C3: variants seen among roughly 807,000 people sequenced by gnomAD.
The protein encoded by C3 is complement C3.
A neutral mutation model predicts 207.9 loss-of-function variants in C3; 97 were observed. That is an observed-to-expected ratio of 0.47 (90% confidence interval 0.40 to 0.55). The LOEUF (loss-of-function observed/expected upper bound fraction) is 0.55. C3 is among the 20% of genes least tolerant of loss of function. C3 has a pLI of 0.00. For synonymous variants in C3, 848 were observed against 857.6 expected (o/e 0.99, Z 0.20); for missense variants, 1,684 against 2,171.7 (o/e 0.78, Z 4.46).
chr19:6,711,782 G>A (rs1414593990), intron 11 of C3, among the ~76,000 whole-genome samples: 2 of 152,334 alleles, frequency 1.3e-5, no homozygotes, highest in Non-Finnish European at 2.9e-5. Flanking sequence ...ACAGAGCCAC[G>A]TGCACAGAAG....
At chr19:6,687,008 G>A (rs1283800303) in intron 27 of C3, 106 bp from the exon 28 acceptor site, 2 of 1,174,648 alleles carry the variant, frequency 1.7e-6, no homozygotes, top group Non-Finnish European at 2.5e-6. Flanking sequence ...CTGTCCTTGG[G>A]ACACACCTGT....
chr19:6,704,446 C>T (rs1967732030), intron 17 of C3, among the ~76,000 whole-genome samples: 1 of 152,084 alleles, frequency 6.6e-6, no homozygotes, highest in South Asian at 2.1e-4. Flanking sequence ...GCTGGAATCC[C>T]TTAAAAAATA....
chr19:6,693,147 C>G, intron 25 of C3, 64 bp from the exon 26 acceptor site: 1 of 1,577,610 alleles, frequency 6.3e-7, no homozygotes, highest in Non-Finnish European at 8.7e-7. Flanking sequence ...TGTCAACCAG[C>G]CAATGAGCGT....
At position 6,710,749 on chromosome 19, in the gene C3, T is replaced by C. The variant is rs1449175750; in HGVS notation, c.1576A>G (p.Ile526Val). 1 of 1,613,768 alleles carries C rather than the reference T, an allele frequency of 6.2e-7. No individual in the cohort carries two copies. The highest frequency in any genetic ancestry group is 8.5e-7 in the Non-Finnish European group (1 of 1,179,990). ...TACGCCACCAGGCGGAAGGAAGGGA[T>C]GAAGTCGGTGGTGATGGACAGGGGC... ...VLPLSITTDFIPSFRLVAYYT... is the reference protein window; with the variant it reads ...VLPLSITTDFVPSFRLVAYYT... Residue 526 changes from isoleucine (I) to valine (V), a missense_variant, in exon 13 of 41, where the codon ATC becomes GTC. Coordinates refer to ENST00000245907, the MANE Select transcript of C3 (RefSeq NM_000064.4).
At chr19:6,717,519 ATGTTGTGTGGTTGTG>A (rs1005509458) in intron 4 of C3, 22 of 210,322 alleles carry the variant, frequency 1.0e-4, no homozygotes, top group Non-Finnish European at 1.5e-4. Context: ...GTGGTCGTGT[ATGTTGTGTGGTTGTG>A]TGTTGTGTGG....
At chr19:6,712,098 G>A (rs773537255) in intron 11 of C3, among the ~76,000 whole-genome samples, 159 bp downstream of exon 11, 2 of 151,990 alleles carry the variant, frequency 1.3e-5, no homozygotes, top group African/African-American at 2.4e-5. Flanking sequence ...GCAGATGAGA[G>A]TATCTCTATG....
At chr19:6,718,953 G>T (rs1278742789) in intron 2 of C3, among the ~76,000 whole-genome samples, 1 of 120,434 alleles carries the variant, frequency 8.3e-6, no homozygotes, top group Non-Finnish European at 1.7e-5. Flanking sequence ...GAAGGTCAGG[G>T]CTTAGAAGGG....
rs1055026778 is a variant in C3 at position 6,708,204 on chromosome 19, T to G, written c.1846-275A>C. Among the ~76,000 whole-genome samples the G allele has an allele frequency of 9.9e-5, 15 of 151,502 alleles. No individual in the cohort carries two copies. In the East Asian group the frequency reaches 2.7e-3, roughly 28 times the overall value. ...CAGGCTGGAGTGCAGTGGTGTGATC[T>G]CCGCTCACTGTAACCTCCAACTCCC... On this transcript the variant is annotated intron_variant, in intron 14 of 40. Coordinates refer to ENST00000245907, the MANE Select transcript of C3 (RefSeq NM_000064.4).
At chr19:6,704,186 A>T (rs2145419274) in intron 17 of C3, among the ~76,000 whole-genome samples, 1 of 151,896 alleles carries the variant, frequency 6.6e-6, no homozygotes, top group East Asian at 1.9e-4. Context: ...AAGGCTGAGG[A>T]TGAGACAGAA....
rs2145432515 is a variant in C3 at position 6,714,360 on chromosome 19, T to C, written c.591A>G (p.Glu197=). The C allele has an allele frequency of 3.1e-6, 5 of 1,613,542 alleles. No homozygotes were observed. The highest frequency in any genetic ancestry group is 1.3e-5 in the African/African-American group (1 of 74,998). Residue 197 remains glutamate (E), a synonymous_variant, in exon 5 of 41, where the codon GAA becomes GAG. Coordinates refer to ENST00000245907, the MANE Select transcript of C3 (RefSeq NM_000064.4). ...GVLPLSWDIP[E]LVNMGQWKIR... ...TCAAGAACCTGACATACTTGACGAG[T>C]TCCGGAATGTCCCAAGACAAGGGCA...
intron 27 of C3, 63 bp from the exon 28 acceptor site, chr19:6,686,965 A>G (rs1002725007): frequency 6.6e-5 from 100 of 1,526,242 alleles, no homozygotes; most frequent in Non-Finnish European, 8.7e-5. Flanking sequence ...AGTAAGGATC[A>G]TTCGAGCAGC....
At chr19:6,697,882 C>G in intron 19 of C3, 88 bp from the exon 20 acceptor site, 3 of 1,332,202 alleles carry the variant, frequency 2.3e-6, no homozygotes, top group Non-Finnish European at 3.1e-6. Context: ...GTCCACTCCG[C>G]AGGAGCTCTC....
chr19:6,693,357 G>T, intron 25 of C3, 55 bp downstream of exon 25: 1 of 1,530,788 alleles, frequency 6.5e-7, no homozygotes, highest in Non-Finnish European at 8.9e-7. Context: ...TCCGGGCCCT[G>T]CTGGGGGTTG....
chr19:6,713,903 C>A, intron 7 of C3, 89 bp downstream of exon 7: 1 of 613,182 alleles, frequency 1.6e-6, no homozygotes, highest in East Asian at 3.5e-5. Context: ...CATCTCCAGC[C>A]CCCCACCTGA....
chr19:6,712,810 T>A (rs1457902457), intron 9 of C3, among the ~76,000 whole-genome samples, 187 bp from the exon 10 acceptor site: 1 of 151,788 alleles, frequency 6.6e-6, no homozygotes, highest in Non-Finnish European at 1.5e-5. Flanking sequence ...TCCATCAGAC[T>A]GGCACAGACT....
At position 6,700,443 on chromosome 19, in the gene C3, GATATATGTAATATATATGTT is replaced by G. The variant is rs1179276387; in HGVS notation, c.2440+1664_2440+1683del. Among the ~76,000 whole-genome samples, 4 of 17,628 alleles carry G rather than the reference GATATATGTAATATATATGTT, an allele frequency of 2.3e-4. 2 individuals carry two copies. The highest frequency in any genetic ancestry group is 3.4e-4 in the Non-Finnish European group (4 of 11,810). The allele number at this position is 17,628 out of a possible 152,430, so 11.6% of individuals were successfully genotyped here. A position where few individuals can be genotyped will look rare whatever the true frequency, so the allele number is the denominator to read the frequency against. On this transcript the variant is annotated intron_variant, in intron 19 of 40. Coordinates refer to ENST00000245907, the MANE Select transcript of C3 (RefSeq NM_000064.4). Reference sequence around the variant, plus strand: ...ATGTAATATATGATATATGTAATATGATATATGTAATATATATGTTATATATGTAATATATAATATATGTA... The same window carrying G: ...ATGTAATATATGATATATGTAATATGATATATGTAATATATAATATATGTA...
At chr19:6,720,319 C>A (rs116533591) in intron 1 of C3, among the ~76,000 whole-genome samples, 197 bp downstream of exon 1, 1,851 of 151,796 alleles carry the variant, frequency 0.012, 35 homozygotes, top group African/African-American at 0.043. Context: ...TTCCATGATA[C>A]CTGGATTCCA....
chr19:6,707,905 C>G lies in C3; in HGVS notation c.1870G>C (p.Asp624His). ...CCACTGCCCGGGGTGCAGCCGATGTCTGCCTTCTCCACCACGTCCCAGATC... is the reference window on the plus strand; with the variant it reads ...CCACTGCCCGGGGTGCAGCCGATGTGTGCCTTCTCCACCACGTCCCAGATC... ...SKIWDVVEKA[D>H]IGCTPGSGKD... The change falls in exon 15 of 41, where the codon GAC becomes CAC. Residue 624 changes from aspartate (D) to histidine (H), a missense_variant. Asp to His is a moderately conservative substitution (Grantham distance 81, BLOSUM62 -1). Transcript: ENST00000245907. 2 of 1,613,996 alleles carry G rather than the reference C, an allele frequency of 1.2e-6. No homozygotes were observed. Among genetic ancestry groups the G allele is most frequent in the Non-Finnish European group, 1.7e-6 (2 of 1,180,024 alleles).
intron 17 of C3, among the ~76,000 whole-genome samples, chr19:6,703,373 C>T (rs139270238): frequency 4.7e-4 from 71 of 151,944 alleles, no homozygotes; most frequent in African/African-American, 1.6e-3. Context: ...TTTGGGAGGC[C>T]GAGGCGGGTG....
Sources: allele counts gnomAD v4.1 joint callset (sites outside exome capture counted in the v4.1 genomes callset), GRCh38; gene constraint gnomAD v4.1.1; transcripts MANE v1.5; gene names NCBI Gene and HGNC (gene_info 2026-07-23, HGNC 2026-07-21).